Variants in EYA2 observed in about 807,000 individuals in gnomAD.
The protein encoded by EYA2 is EYA transcriptional coactivator and phosphatase 2.
In EYA2, 31 loss-of-function variants were observed where a neutral mutation model predicts 69.2. The observed-to-expected ratio is 0.45, with a 90% CI of 0.34 to 0.60. EYA2 has a LOEUF of 0.60. Among genes scored for constraint, EYA2 ranks in the 20% least tolerant of loss-of-function variants. The probability of loss-of-function intolerance (pLI) is 0.02; values close to 1 mark genes in which losing one functional copy is unlikely to be tolerated. For missense variants in EYA2, 622 were observed against 701.2 expected (o/e 0.89, Z 1.28); for synonymous variants, 257 against 279.4 (o/e 0.92, Z 0.80).
In EYA2 at chr20:46,989,117, C is replaced by G. The variant is rs3761150; in HGVS notation, c.-10-884C>G. 6.6e-4 allele frequency among the ~76,000 whole-genome samples: 101 copies of G among 152,258 alleles called. 1 individual carries two copies. The highest frequency in any genetic ancestry group is 2.3e-3 in the African/African-American group (96 of 41,534). ...TCCCTACTCTCCCCTGCCCGCCCCC[C>G]ATAACATATTATAAAAATCATGGGT... On this transcript the variant is annotated intron_variant, in intron 1 of 15. Coordinates refer to ENST00000327619, the MANE Select transcript of EYA2 (RefSeq NM_005244.5).
At chr20:47,029,798 TAAG>T (rs1213438857) in intron 5 of EYA2, among the ~76,000 whole-genome samples, 1 of 152,232 alleles carries the variant, frequency 6.6e-6, no homozygotes, top group African/African-American at 2.4e-5. Flanking sequence ...AATATTCAAT[TAAG>T]AATTATTGAA....
intron 1 of EYA2, among the ~76,000 whole-genome samples, chr20:46,953,637 G>GCCTCTCCCTCCCCAGTT (rs1212215123): frequency 1.3e-5 from 2 of 151,970 alleles, no homozygotes; most frequent in Admixed American, 6.6e-5. Flanking sequence ...AGTATTCCTG[G>GCCTCTCCCTCCCCAGTT]CCTCTCCCTC....
rs982354376 is a variant in EYA2, at chr20:47,057,194, G to A, written c.416-14991G>A. Among the ~76,000 whole-genome samples the A allele has an allele frequency of 1.2e-4, 18 of 150,078 alleles. 1 individual carries two copies. Among genetic ancestry groups the A allele is most frequent in the Admixed American group, 1.1e-3 (16 of 15,024 alleles). On this transcript the variant is annotated intron_variant, in intron 5 of 15. Transcript: ENST00000327619. ...GGAAGGAAGGAAGGAATCTCAGCAC[G>A]TACTAGGCACTCAACAAAGATGTGA... is the stretch of plus-strand genomic sequence containing the variant.
chr20:46,962,969 C>G (rs1979561293), intron 1 of EYA2, among the ~76,000 whole-genome samples: 1 of 152,236 alleles, frequency 6.6e-6, no homozygotes, highest in Admixed American at 6.5e-5. Flanking sequence ...AGCCTTCAGC[C>G]AGTGCCTCAC....
chr20:46,932,977 C>G (rs1180665752), intron 1 of EYA2, among the ~76,000 whole-genome samples: 1 of 152,176 alleles, frequency 6.6e-6, no homozygotes, highest in African/African-American at 2.4e-5. Flanking sequence ...TCTTGCTTCC[C>G]CTTTCCCTTC....
At chr20:47,077,030 T>C (rs932325638) in intron 7 of EYA2, among the ~76,000 whole-genome samples, 4 of 152,230 alleles carry the variant, frequency 2.6e-5, no homozygotes, top group Non-Finnish European at 5.9e-5. Flanking sequence ...TTTGGGCTCA[T>C]GCCTACGGCT....
At position 46,904,664 on chromosome 20, in the gene EYA2, T is replaced by G. The variant is rs1401882254; in HGVS notation, c.-11+9677T>G. Among the ~76,000 whole-genome samples the G allele has an allele frequency of 2.6e-5, 4 of 152,128 alleles. No individual in the cohort carries two copies. The East Asian group carries it at 7.7e-4, about 29-fold the overall frequency. On this transcript the variant is annotated intron_variant, in intron 1 of 15. Coordinates refer to ENST00000327619, the MANE Select transcript of EYA2 (RefSeq NM_005244.5). ...AATGAATTGGAAAAGAAAAACAAAA[T>G]ATTTCTCATTTTTCTCCTGCTACTC...
rs372477583 is a variant in EYA2 at position 46,943,256 on chromosome 20, C to T, written c.-10-46745C>T. 2.7e-4 allele frequency among the ~76,000 whole-genome samples: 41 copies of T among 152,288 alleles called. No individual in the cohort carries two copies. The East Asian group carries it at 4.1e-3, about 15-fold the overall frequency. On this transcript the variant is annotated intron_variant, in intron 1 of 15. Coordinates refer to ENST00000327619, the MANE Select transcript of EYA2 (RefSeq NM_005244.5). ...ACGATGCACAGGACATCCCCCACCC[C>T]GCCCCCAGCACTCACCAACAACAAA...
intron 14 of EYA2, 132 bp from the exon 15 acceptor site, chr20:47,183,159 C>A: frequency 1.3e-6 from 1 of 783,940 alleles, no homozygotes; most frequent in Non-Finnish European, 2.1e-6. Context: ...CAGAAGTTTG[C>A]TCAAGAACGA....
At chr20:46,957,478 G>A (rs1979198012) in intron 1 of EYA2, among the ~76,000 whole-genome samples, 1 of 151,548 alleles carries the variant, frequency 6.6e-6, no homozygotes, top group Non-Finnish European at 1.5e-5. Flanking sequence ...ATCCAGGTTG[G>A]CCCCAAATGA....
chr20:47,117,161 C>T (rs866471786), intron 9 of EYA2, among the ~76,000 whole-genome samples: 3 of 152,004 alleles, frequency 2.0e-5, no homozygotes, highest in Non-Finnish European at 4.4e-5. Flanking sequence ...CACAGGCGCA[C>T]GCCACCACAC....
At chr20:46,942,317 C>T (rs1986189684) in intron 1 of EYA2, among the ~76,000 whole-genome samples, 1 of 152,120 alleles carries the variant, frequency 6.6e-6, no homozygotes, top group Non-Finnish European at 1.5e-5. Context: ...AAGTGATCTT[C>T]CCACCTCAGC....
intron 1 of EYA2, among the ~76,000 whole-genome samples, chr20:46,911,735 C>T (rs1428553700): frequency 6.6e-6 from 1 of 151,982 alleles, no homozygotes; most frequent in African/African-American, 2.4e-5. Flanking sequence ...TGTGTGGGAA[C>T]TGGAAAACTC....
intron 1 of EYA2, among the ~76,000 whole-genome samples, chr20:46,938,922 A>G (rs1328800807): frequency 2.0e-5 from 3 of 152,208 alleles, no homozygotes; most frequent in Non-Finnish European, 4.4e-5. Flanking sequence ...ATGACCACAC[A>G]TTAATACTGT....
chr20:47,178,711 A>G (rs1311326754), intron 12 of EYA2, among the ~76,000 whole-genome samples: 1 of 150,328 alleles, frequency 6.7e-6, no homozygotes, highest in Non-Finnish European at 1.5e-5. Context: ...TACAATATCA[A>G]GCACCTAGAA....
chr20:47,128,637 T>G (rs2033259703), intron 9 of EYA2, among the ~76,000 whole-genome samples: 1 of 152,108 alleles, frequency 6.6e-6, no homozygotes, highest in Non-Finnish European at 1.5e-5. Context: ...AGTAAAATGG[T>G]TAAGATTTTG....
intron 1 of EYA2, among the ~76,000 whole-genome samples, chr20:46,985,664 G>C (rs1981134384): frequency 6.6e-6 from 1 of 152,214 alleles, no homozygotes; most frequent in Admixed American, 6.5e-5. Context: ...AGAGTAGGGA[G>C]TGGTGGGGAC....
In EYA2 at chr20:47,180,421, A is replaced by G. The variant is rs554939375; in HGVS notation, c.1314-394A>G. ...AGCGGCAGAGACTTTTCAGGGCCCA[A>G]CAGGTTTCCAGGTTTCTGGATTCTC... On this transcript the variant is annotated intron_variant, in intron 13 of 15. Coordinates refer to ENST00000327619, the MANE Select transcript of EYA2 (RefSeq NM_005244.5). Among the ~76,000 whole-genome samples, 14 of 152,278 alleles carry G rather than the reference A, an allele frequency of 9.2e-5. No individual in the cohort carries two copies. In the South Asian group the frequency reaches 2.3e-3, roughly 25 times the overall value.
chr20:47,053,397 G>A (rs1003046164), intron 5 of EYA2, among the ~76,000 whole-genome samples: 2 of 152,066 alleles, frequency 1.3e-5, no homozygotes, highest in East Asian at 3.9e-4. Context: ...CGGGTGCAGC[G>A]GCTCATGCCT....
Sources: gnomAD v4.1 joint callset for allele counts (sites outside exome capture counted in the v4.1 genomes callset) on GRCh38, gnomAD v4.1.1 for gene constraint, MANE v1.5 for transcripts, NCBI Gene and HGNC (gene_info 2026-07-23, HGNC 2026-07-21) for gene names.